The following TULP4 variants were observed in gnomAD, a reference collection of about 807,000 sequenced individuals.
The protein encoded by TULP4 is TUB like protein 4, also known as tubby-related protein 4.
Under a neutral mutation model 129.0 loss-of-function variants are expected in TULP4, and 16 were observed. The ratio of observed to expected loss-of-function variants is 0.12; its 90% CI spans 0.08 to 0.19. The LOEUF (loss-of-function observed/expected upper bound fraction) is 0.19, where lower values mean the gene tolerates loss of function less well. Ranked by LOEUF, TULP4 falls within the 10% of genes least tolerant of loss-of-function variation. The pLI, the probability that TULP4 is intolerant of heterozygous loss-of-function variation, is 1.00. For missense variants in TULP4, 1,842 were observed against 2,059.1 expected (o/e 0.89, Z 2.04); for synonymous variants, 998 against 854.0 (o/e 1.17, Z -2.94).
intron 1 of TULP4, among the ~76,000 whole-genome samples, chr6:158,287,886 G>T (rs968465595): frequency 6.6e-6 from 1 of 152,202 alleles, no homozygotes; most frequent in Admixed American, 6.5e-5. Context: ...AGGCTGAGGA[G>T]GGTGTTCTTA....
At chr6:158,350,146 G>A (rs560211948) in intron 1 of TULP4, among the ~76,000 whole-genome samples, 132 of 149,226 alleles carry the variant, frequency 8.8e-4, no homozygotes, top group African/African-American at 3.0e-3. Context: ...GAGCAGAGGC[G>A]CTCCTCACTT....
intron 1 of TULP4, among the ~76,000 whole-genome samples, chr6:158,330,794 G>A (rs974222993): frequency 3.3e-5 from 5 of 152,292 alleles, no homozygotes; most frequent in African/African-American, 9.6e-5. Flanking sequence ...TTAGACCCCT[G>A]TAATCTGGAA....
At chr6:158,340,938 T>G (rs1444786381) in intron 1 of TULP4, among the ~76,000 whole-genome samples, 1 of 152,218 alleles carries the variant, frequency 6.6e-6, no homozygotes, top group Non-Finnish European at 1.5e-5. Context: ...AGGCTCTCTC[T>G]GTTTTTTTGT....
chr6:158,484,126 A>G (rs528292763), intron 8 of TULP4, among the ~76,000 whole-genome samples: 1 of 151,378 alleles, frequency 6.6e-6, no homozygotes, highest in East Asian at 1.9e-4. Context: ...TGGGGGCTCC[A>G]TGTGTTGCCC....
At chr6:158,301,975 T>C (rs1779139831) in intron 1 of TULP4, among the ~76,000 whole-genome samples, 1 of 152,276 alleles carries the variant, frequency 6.6e-6, no homozygotes, top group South Asian at 2.1e-4. Context: ...ATATTCTTTA[T>C]TGAACACCAT....
chr6:158,272,834 A>C (rs941816162), intron 1 of TULP4, among the ~76,000 whole-genome samples: 1 of 152,246 alleles, frequency 6.6e-6, no homozygotes, highest in African/African-American at 2.4e-5. Flanking sequence ...GTAGATGTGT[A>C]GTTCTCAATA....
chr6:158,379,861 G>A (rs1369036042), intron 1 of TULP4, among the ~76,000 whole-genome samples: 1 of 152,192 alleles, frequency 6.6e-6, no homozygotes, highest in East Asian at 1.9e-4. Context: ...TAAGTGGGCA[G>A]TTTGACAAAG....
chr6:158,239,888 G>A (rs1583665210), intron 1 of TULP4, among the ~76,000 whole-genome samples: 3 of 66,082 alleles, frequency 4.5e-5, no homozygotes, highest in East Asian at 1.2e-3. Flanking sequence ...AGTAGGGGCG[G>A]CCGGGCAGAG....
At chr6:158,245,846 C>G (rs893988506) in intron 1 of TULP4, among the ~76,000 whole-genome samples, 1 of 152,160 alleles carries the variant, frequency 6.6e-6, no homozygotes, top group East Asian at 1.9e-4. Flanking sequence ...TGCTGAACAA[C>G]TAGGCTTTGA....
chr6:158,306,355 G>A (rs77155596), intron 1 of TULP4, among the ~76,000 whole-genome samples: 15 of 152,142 alleles, frequency 9.9e-5, no homozygotes, highest in African/African-American at 1.4e-4. Context: ...AGGAGTTTTC[G>A]AGACTAACCT....
intron 1 of TULP4, among the ~76,000 whole-genome samples, chr6:158,314,854 A>G (rs1044930615): frequency 1.3e-5 from 2 of 152,232 alleles, no homozygotes; most frequent in African/African-American, 4.8e-5. Context: ...ATTATGCCAT[A>G]TATTTGTACA....
intron 2 of TULP4, among the ~76,000 whole-genome samples, chr6:158,420,818 T>C (rs1255838090): frequency 4.6e-5 from 7 of 152,198 alleles, no homozygotes; most frequent in African/African-American, 1.7e-4. Flanking sequence ...GTTAAATAGC[T>C]CATGGTTTAC....
chr6:158,484,044 A>G (rs903040892), intron 8 of TULP4, among the ~76,000 whole-genome samples: 1 of 151,134 alleles, frequency 6.6e-6, no homozygotes, highest in Non-Finnish European at 1.5e-5. Context: ...TCAGCCTCCA[A>G]GTAGCTAGGA....
intron 1 of TULP4, among the ~76,000 whole-genome samples, chr6:158,360,070 G>A (rs1235950253): frequency 1.3e-5 from 2 of 149,586 alleles, no homozygotes; most frequent in Admixed American, 6.7e-5. Flanking sequence ...GACAGTTGAA[G>A]CCTTCCCCCC....
chr6:158,391,146 C>T (rs878867218), intron 1 of TULP4, among the ~76,000 whole-genome samples: 1 of 152,090 alleles, frequency 6.6e-6, no homozygotes, highest in Admixed American at 6.5e-5. Flanking sequence ...TCGAATGACA[C>T]AACTTTAATG....
At chr6:158,269,770 A>T (rs1778513024) in intron 1 of TULP4, among the ~76,000 whole-genome samples, 1 of 152,318 alleles carries the variant, frequency 6.6e-6, no homozygotes, top group South Asian at 2.1e-4. Context: ...TAAGTACTTG[A>T]CATATGTTTA....
intron 7 of TULP4, 82 bp from the exon 8 acceptor site, chr6:158,480,973 C>G: frequency 7.7e-7 from 1 of 1,301,250 alleles, no homozygotes; most frequent in African/African-American, 1.5e-5. Context: ...TTTTAGTTGA[C>G]CTGCCCCCGT....
rs1482165323 is a variant in TULP4, at chr6:158,507,607, G to A, written c.*913G>A. 6.6e-6 allele frequency: 1 copy of A among 152,166 alleles called. No homozygotes were observed. Among genetic ancestry groups the A allele is most frequent in the Non-Finnish European group, 1.5e-5 (1 of 68,034 alleles). The allele number at this position is 152,166 out of a possible 1,614,324, so 9.4% of individuals were successfully genotyped here. A position where few individuals can be genotyped will look rare whatever the true frequency, so the allele number is the denominator to read the frequency against. On this transcript the variant is annotated 3_prime_UTR_variant, in exon 14 of 14. Coordinates refer to ENST00000367097, the MANE Select transcript of TULP4 (RefSeq NM_020245.5). Reference sequence around the variant, plus strand: ...GGTAGCAGTTTTCTCAAATAATGTGGTGACAGTCACTAGATCCTCACATGC... The same window carrying A: ...GGTAGCAGTTTTCTCAAATAATGTGATGACAGTCACTAGATCCTCACATGC...
chr6:158,332,186 AAAAAAAAAAAAAAAATATATATATATAT>A (rs1241048042), intron 1 of TULP4, among the ~76,000 whole-genome samples: 53 of 15,238 alleles, frequency 3.5e-3, no homozygotes, highest in African/African-American at 8.4e-3. Context: ...AAAAAAAAAA[AAAAAAAAAAAAAAAATATATATATATAT>A]ATATATATAT....
Sources: gnomAD v4.1 joint callset for allele counts (sites outside exome capture counted in the v4.1 genomes callset) on GRCh38, gnomAD v4.1.1 for gene constraint, MANE v1.5 for transcripts, NCBI Gene and HGNC (gene_info 2026-07-23, HGNC 2026-07-21) for gene names.